The following CYP19A1 variants were observed in gnomAD, a reference collection of about 807,000 sequenced individuals.
CYP19A1 encodes the protein cytochrome P450 family 19 subfamily A member 1, also known as aromatase.
A neutral mutation model predicts 44.4 loss-of-function variants in CYP19A1; 32 were observed. The ratio of observed to expected loss-of-function variants is 0.72; its 90% CI spans 0.54 to 0.97. The LOEUF (loss-of-function observed/expected upper bound fraction) is 0.97. Among genes scored for constraint, CYP19A1 ranks in the 50% least tolerant of loss-of-function variants. CYP19A1 has a pLI of 0.00. For synonymous variants in CYP19A1, 212 were observed against 215.6 expected (o/e 0.98, Z 0.14); for missense variants, 598 against 637.8 (o/e 0.94, Z 0.67).
intron 3 of CYP19A1, among the ~76,000 whole-genome samples, chr15:51,234,463 G>A (rs2033252726): frequency 6.6e-6 from 1 of 152,134 alleles, no homozygotes; most frequent in African/African-American, 2.4e-5. Flanking sequence ...CACCCCCACT[G>A]TAACGAGCAA....
intron 1 of CYP19A1, among the ~76,000 whole-genome samples, chr15:51,302,174 T>A (rs149698536): frequency 4.6e-5 from 7 of 152,366 alleles, no homozygotes; most frequent in African/African-American, 1.7e-4. Context: ...CTTCAAAGTA[T>A]GTGTCCATTC....
At chr15:51,259,983 A>C (rs967797792) in intron 1 of CYP19A1, among the ~76,000 whole-genome samples, 2 of 152,244 alleles carry the variant, frequency 1.3e-5, no homozygotes, top group African/African-American at 4.8e-5. Context: ...TTAATGATAC[A>C]TCTAGAGAGA....
At chr15:51,299,270 C>T (rs574966476) in intron 1 of CYP19A1, among the ~76,000 whole-genome samples, 20 of 152,324 alleles carry the variant, frequency 1.3e-4, no homozygotes, top group African/African-American at 4.3e-4. Context: ...AAGACAAAGG[C>T]GATTCATTCA....
At chr15:51,319,979 T>A (rs951474808) in intron 1 of CYP19A1, among the ~76,000 whole-genome samples, 3 of 152,250 alleles carry the variant, frequency 2.0e-5, no homozygotes, top group African/African-American at 7.2e-5. Flanking sequence ...AGAGCGACAC[T>A]TGAATGCCAG....
intron 1 of CYP19A1, among the ~76,000 whole-genome samples, chr15:51,297,787 G>A (rs2036026058): frequency 1.5e-5 from 2 of 136,560 alleles, no homozygotes; most frequent in Non-Finnish European, 3.1e-5. Flanking sequence ...CCTGTTCATT[G>A]GTGTTTCTGG....
At chr15:51,262,446 A>G (rs1016446335) in intron 1 of CYP19A1, among the ~76,000 whole-genome samples, 1 of 152,128 alleles carries the variant, frequency 6.6e-6, no homozygotes, top group African/African-American at 2.4e-5. Context: ...AGCACTCTCT[A>G]TTCTCAAGGC....
intron 1 of CYP19A1, among the ~76,000 whole-genome samples, chr15:51,320,640 T>C (rs1223537020): frequency 6.6e-6 from 1 of 152,138 alleles, no homozygotes; most frequent in Non-Finnish European, 1.5e-5. Flanking sequence ...CCTTTTTCCT[T>C]AACCCCACTT....
rs376240145 is a variant in CYP19A1, at chr15:51,222,324, G to T, written c.628+25C>A. 25 of 1,614,016 alleles carry T rather than the reference G, an allele frequency of 1.5e-5. No individual in the cohort carries two copies. In the African/African-American group the frequency reaches 2.9e-4, roughly 19 times the overall value. The stretch of plus-strand genomic sequence containing the variant: ...TGTTCAGTAAAGGACAGATGGTCAA[G>T]ATGTGAGAGTGAAAATTTCAGTACC... On this transcript the variant is annotated intron_variant, in intron 5 of 9. Coordinates refer to ENST00000396402, the MANE Select transcript of CYP19A1 (RefSeq NM_000103.4).
intron 1 of CYP19A1, among the ~76,000 whole-genome samples, chr15:51,308,871 C>T (rs997841792): frequency 2.6e-5 from 4 of 152,186 alleles, no homozygotes; most frequent in African/African-American, 4.8e-5. Flanking sequence ...AACTCATGCA[C>T]AGGGTACCCT....
chr15:51,263,475 A>AG (rs1424387982), intron 1 of CYP19A1, among the ~76,000 whole-genome samples: 1 of 152,210 alleles, frequency 6.6e-6, no homozygotes, highest in Non-Finnish European at 1.5e-5. Context: ...AACTTGACAG[A>AG]GGTGTGGAGT....
rs1486315556 is a variant in CYP19A1, at chr15:51,209,384, T to G, written c.*1424A>C. On this transcript the variant is annotated 3_prime_UTR_variant, in exon 10 of 10. Transcript: ENST00000396402. The stretch of plus-strand genomic sequence containing the variant: ...AAGTAGCTCCTGCTTTCAGGGAGAT[T>G]ACACTGTCATCTTATACTCAGCTTA... The G allele has an allele frequency of 6.6e-6, 1 of 152,176 alleles. No homozygotes were observed. The highest frequency in any genetic ancestry group is 2.4e-5 in the African/African-American group (1 of 41,444). The allele number at this position is 152,176 out of a possible 1,614,324, so 9.4% of individuals were successfully genotyped here. A position where few individuals can be genotyped will look rare whatever the true frequency, so the allele number is the denominator to read the frequency against.
At chr15:51,282,312 C>T (rs551680781) in intron 1 of CYP19A1, among the ~76,000 whole-genome samples, 1 of 152,332 alleles carries the variant, frequency 6.6e-6, no homozygotes, top group African/African-American at 2.4e-5. Context: ...ATGTCCAGGG[C>T]TCAGTGCATA....
chr15:51,275,915 T>C (rs575788761), intron 1 of CYP19A1, among the ~76,000 whole-genome samples: 1 of 152,182 alleles, frequency 6.6e-6, no homozygotes, highest in South Asian at 2.1e-4. Flanking sequence ...AGCTGCTGTG[T>C]CCCCCCGGCC....
intron 1 of CYP19A1, among the ~76,000 whole-genome samples, chr15:51,296,552 G>A (rs532868701): frequency 2.0e-5 from 3 of 152,222 alleles, no homozygotes; most frequent in East Asian, 1.9e-4. Context: ...CGGGAAACTC[G>A]CTAAAATTAC....
intron 3 of CYP19A1, among the ~76,000 whole-genome samples, chr15:51,235,146 T>A (rs1468220140): frequency 6.6e-6 from 1 of 152,198 alleles, no homozygotes; most frequent in African/African-American, 2.4e-5. Context: ...GTACTGATTT[T>A]TAAAATGAGA....
intron 1 of CYP19A1, chr15:51,324,020 T>C (rs1223889902): frequency 6.6e-6 from 1 of 152,140 alleles, no homozygotes; most frequent in African/African-American, 2.4e-5. Flanking sequence ...GACCTGGGGA[T>C]CTTGCTTTTT....
chr15:51,285,792 G>A (rs1434992578), intron 1 of CYP19A1, among the ~76,000 whole-genome samples: 3 of 152,106 alleles, frequency 2.0e-5, no homozygotes, highest in Admixed American at 6.5e-5. Flanking sequence ...CAGAGCTCAG[G>A]GCCTTCACAG....
At chr15:51,235,466 C>A (rs1234662596) in intron 3 of CYP19A1, among the ~76,000 whole-genome samples, 1 of 152,122 alleles carries the variant, frequency 6.6e-6, no homozygotes, top group Non-Finnish European at 1.5e-5. Flanking sequence ...CACAATGAAC[C>A]CAATGAAATG....
intron 3 of CYP19A1, 52 bp downstream of exon 3, chr15:51,236,807 A>G: frequency 1.2e-6 from 2 of 1,610,784 alleles, no homozygotes; most frequent in East Asian, 4.5e-5. Context: ...TTAAGTGGAA[A>G]AAACTCCAGC....
Sources: allele counts gnomAD v4.1 joint callset (sites outside exome capture counted in the v4.1 genomes callset), GRCh38; gene constraint gnomAD v4.1.1; transcripts MANE v1.5; gene names NCBI Gene and HGNC (gene_info 2026-07-23, HGNC 2026-07-21).